DAP: variants seen among roughly 807,000 people sequenced by gnomAD.
The protein encoded by DAP is death associated protein, also known as death-associated protein 1.
In DAP, 8 loss-of-function variants were observed where a neutral mutation model predicts 13.8. That is an observed-to-expected ratio of 0.58 (90% CI 0.34 to 1.05). The LOEUF is 1.05. DAP is among the 50% of genes least tolerant of loss of function. The pLI is 0.03. For missense variants in DAP, 106 were observed against 133.2 expected (o/e 0.80, Z 1.01); for synonymous variants, 47 against 47.5 (o/e 0.99, Z 0.04).
intron 2 of DAP, among the ~76,000 whole-genome samples, chr5:10,738,332 T>C (rs267957): frequency 0.84 from 128,141 of 152,290 alleles, 54,549 homozygotes; most frequent in Non-Finnish European, 0.91. Flanking sequence ...CCATGAGATA[T>C]GTATGAATTA....
At chr5:10,746,429 AG>A (rs1356201080) in intron 2 of DAP, among the ~76,000 whole-genome samples, 1 of 150,006 alleles carries the variant, frequency 6.7e-6, no homozygotes, top group African/African-American at 2.5e-5. Context: ...TCCTGAGTTC[AG>A]GGGGTTCTCC....
At chr5:10,726,348 G>A (rs1032496120) in intron 2 of DAP, among the ~76,000 whole-genome samples, 1 of 152,240 alleles carries the variant, frequency 6.6e-6, no homozygotes, top group Non-Finnish European at 1.5e-5. Flanking sequence ...AGACTGGGAT[G>A]GTGTGTGTGT....
chr5:10,750,263 T>C (rs1413657860), intron 1 of DAP, among the ~76,000 whole-genome samples: 1 of 152,016 alleles, frequency 6.6e-6, no homozygotes, highest in Non-Finnish European at 1.5e-5. Context: ...GGAAGGAGAA[T>C]GGGAGAGGCA....
intron 2 of DAP, among the ~76,000 whole-genome samples, chr5:10,723,490 A>G (rs537651384): frequency 4.6e-5 from 7 of 152,272 alleles, no homozygotes; most frequent in Admixed American, 6.5e-5. Flanking sequence ...GGGTCATCCA[A>G]GCAAAACTAC....
chr5:10,742,164 C>T (rs149183780), intron 2 of DAP, among the ~76,000 whole-genome samples: 9 of 152,278 alleles, frequency 5.9e-5, no homozygotes, highest in Admixed American at 3.3e-4. Flanking sequence ...AAGAGCTATC[C>T]GTTCTCCTGG....
intron 2 of DAP, among the ~76,000 whole-genome samples, chr5:10,722,555 C>CATAT: frequency 2.8e-5 from 4 of 140,642 alleles, no homozygotes; most frequent in African/African-American, 8.3e-5. Flanking sequence ...TATACATATA[C>CATAT]ATGCATATAT....
At chr5:10,699,574 T>C (rs1738515567) in intron 2 of DAP, among the ~76,000 whole-genome samples, 1 of 152,214 alleles carries the variant, frequency 6.6e-6, no homozygotes, top group Admixed American at 6.5e-5. Context: ...CCGGTCTCTG[T>C]GGCAACCCCA....
At chr5:10,745,085 C>G (rs1579819066) in intron 2 of DAP, among the ~76,000 whole-genome samples, 1 of 152,166 alleles carries the variant, frequency 6.6e-6, no homozygotes, top group African/African-American at 2.4e-5. Context: ...TCATTGCACT[C>G]TGTAAGAATG....
At chr5:10,731,663 A>G (rs1739465045) in intron 2 of DAP, among the ~76,000 whole-genome samples, 1 of 152,202 alleles carries the variant, frequency 6.6e-6, no homozygotes, top group African/African-American at 2.4e-5. Context: ...TGTAAACCAC[A>G]TATCTAAGGC....
At chr5:10,719,300 AG>A (rs1318165892) in intron 2 of DAP, among the ~76,000 whole-genome samples, 2 of 152,166 alleles carry the variant, frequency 1.3e-5, no homozygotes, top group East Asian at 3.8e-4. Flanking sequence ...AGAACAGGAG[AG>A]GGCTCTGCAA....
intron 1 of DAP, among the ~76,000 whole-genome samples, chr5:10,755,103 A>C (rs1740149363): frequency 6.8e-6 from 1 of 146,996 alleles, no homozygotes; most frequent in East Asian, 1.9e-4. Flanking sequence ...GGCCCATGTA[A>C]TCTCAAGGGT....
intron 1 of DAP, among the ~76,000 whole-genome samples, chr5:10,755,970 A>G (rs1357768523): frequency 2.6e-5 from 4 of 152,204 alleles, no homozygotes; most frequent in African/African-American, 9.6e-5. Flanking sequence ...CAACATAGTA[A>G]AACCTTGTGT....
chr5:10,729,037 A>C (rs2126664858), intron 2 of DAP, among the ~76,000 whole-genome samples: 1 of 152,368 alleles, frequency 6.6e-6, no homozygotes, highest in Non-Finnish European at 1.5e-5. Flanking sequence ...GTTAATTGAC[A>C]ACATCCATGT....
intron 2 of DAP, among the ~76,000 whole-genome samples, chr5:10,715,927 T>C (rs1276424417): frequency 6.6e-6 from 1 of 152,238 alleles, no homozygotes; most frequent in African/African-American, 2.4e-5. Flanking sequence ...CTCTCGATAA[T>C]ACACCATGCC....
intron 2 of DAP, among the ~76,000 whole-genome samples, chr5:10,742,975 T>C (rs1739798865): frequency 6.7e-6 from 1 of 148,774 alleles, no homozygotes; most frequent in Non-Finnish European, 1.5e-5. Context: ...AACCATATGT[T>C]CATACAGATA....
rs1289781712 is a variant in DAP, at chr5:10,680,858, G to C, written c.*198C>G. On this transcript the variant is annotated 3_prime_UTR_variant, in exon 4 of 4. Coordinates refer to ENST00000230895, the MANE Select transcript of DAP (RefSeq NM_004394.3). Reference sequence around the variant, plus strand: ...ATGATCCTCAAATGACATCCAACCAGACTCCCCATAAACAAGGTTTGGGCT... The same window carrying C: ...ATGATCCTCAAATGACATCCAACCACACTCCCCATAAACAAGGTTTGGGCT... 2.0e-6 allele frequency: 3 copies of C among 1,536,816 alleles called. No individual in the cohort carries two copies. In the East Asian group the frequency reaches 7.3e-5, roughly 37 times the overall value.
chr5:10,685,785 A>C (rs1738141295), intron 2 of DAP, among the ~76,000 whole-genome samples: 1 of 152,228 alleles, frequency 6.6e-6, no homozygotes, highest in Non-Finnish European at 1.5e-5. Context: ...ACTTGATATA[A>C]AATGTCATCC....
rs1434630640 is a variant in DAP, at chr5:10,761,147, G to C, written c.-79C>G. 2 of 850,568 alleles carry C rather than the reference G, an allele frequency of 2.4e-6. No individual in the cohort carries two copies. Among genetic ancestry groups the C allele is most frequent in the Non-Finnish European group, 3.1e-6 (2 of 653,784 alleles). The allele number at this position is 850,568 out of a possible 1,614,324, so 52.7% of individuals were successfully genotyped here. ...CGGGCGTGCGCGAGTGAGCTCAGGT[G>C]TGAGCGCCGGGGAGCGAGCGGGCGG... is the stretch of plus-strand genomic sequence containing the variant. On this transcript the variant is annotated 5_prime_UTR_variant, in exon 1 of 4. Transcript: ENST00000230895.
chr5:10,687,898 T>C (rs995812303), intron 2 of DAP, among the ~76,000 whole-genome samples: 11 of 147,534 alleles, frequency 7.5e-5, no homozygotes, highest in Non-Finnish European at 1.6e-4. Flanking sequence ...ACAAACTTCA[T>C]TGTTGTCTTT....
Sources: gnomAD v4.1 joint callset for allele counts (sites outside exome capture counted in the v4.1 genomes callset) on GRCh38, gnomAD v4.1.1 for gene constraint, MANE v1.5 for transcripts, NCBI Gene and HGNC (gene_info 2026-07-23, HGNC 2026-07-21) for gene names.